The following HMCN1 variants were observed in gnomAD, a reference collection of about 807,000 sequenced individuals.
The protein encoded by HMCN1 is hemicentin-1.
A neutral mutation model predicts 625.9 loss-of-function variants in HMCN1; 321 were observed. That is an observed-to-expected ratio of 0.51 (90% CI 0.47 to 0.56). The LOEUF (loss-of-function observed/expected upper bound fraction) is 0.56. HMCN1 is among the 20% of genes least tolerant of loss of function. HMCN1 has a pLI of 0.00. For synonymous variants in HMCN1, 2,425 were observed against 2,417.6 expected (o/e 1.00, Z -0.09); for missense variants, 6,588 against 6,887.3 (o/e 0.96, Z 1.54).
At chr1:185,787,184 C>T (rs1434758937) in intron 1 of HMCN1, among the ~76,000 whole-genome samples, 2 of 146,030 alleles carry the variant, frequency 1.4e-5, no homozygotes, top group African/African-American at 5.1e-5. Context: ...TGTGTGCATG[C>T]ACGTGTGTTT....
In HMCN1 at chr1:186,065,389, A is replaced by G; in HGVS notation, c.7665A>G (p.Pro2555=). ...GATATACATGTTTGGCTTCCAGTCCAGCTGGCCACAAGAGCAGGAGCTTCA... is the reference window on the plus strand; with the variant it reads ...GATATACATGTTTGGCTTCCAGTCCGGCTGGCCACAAGAGCAGGAGCTTCA... ...TGRYTCLASS[P]AGHKSRSFSL... is the part of the protein sequence containing the mutation. The change falls in exon 49 of 107, where the codon CCA becomes CCG. Residue 2555 remains proline, a synonymous_variant. Coordinates refer to ENST00000271588, the MANE Select transcript of HMCN1 (RefSeq NM_031935.3). 6.2e-7 allele frequency: 1 copy of G among 1,610,266 alleles called. No individual in the cohort carries two copies.
At chr1:186,113,882 T>A in intron 72 of HMCN1, 97 bp from the exon 73 acceptor site, 1 of 1,324,702 alleles carries the variant, frequency 7.5e-7, no homozygotes, top group South Asian at 1.2e-5. Context: ...AGCTATACAT[T>A]TGACTCGAAG....
chr1:186,184,965 G>T (rs192094758), intron 105 of HMCN1, among the ~76,000 whole-genome samples: 2 of 152,070 alleles, frequency 1.3e-5, no homozygotes, highest in East Asian at 1.9e-4. Flanking sequence ...GAGTAAATAA[G>T]TAGAGTGACT....
chr1:186,048,728 T>A lies in HMCN1; in HGVS notation c.6481-15T>A. On this transcript the variant is annotated splice_polypyrimidine_tract_variant and intron_variant, in intron 41 of 106. Transcript: ENST00000271588. ...AAATAGAAAGTGTGATTTCAAAGGA[T>A]GATTTTGTTTTCAGATTGAAGATGC... 2 of 1,497,444 alleles carry A rather than the reference T, an allele frequency of 1.3e-6. No individual in the cohort carries two copies. The highest frequency in any genetic ancestry group is 1.9e-6 in the Non-Finnish European group (2 of 1,074,258). 92.8% of individuals were successfully genotyped at this position (1,497,444 alleles called of 1,614,324 possible). A position where few individuals can be genotyped will look rare whatever the true frequency, so the allele number is the denominator to read the frequency against.
intron 40 of HMCN1, among the ~76,000 whole-genome samples, chr1:186,041,414 A>T (rs1163387585): frequency 6.6e-6 from 1 of 152,144 alleles, no homozygotes; most frequent in Non-Finnish European, 1.5e-5. Flanking sequence ...CAGCTCTGCC[A>T]TTTAGAAGAG....
intron 86 of HMCN1, 139 bp downstream of exon 86, chr1:186,132,548 A>T: frequency 1.4e-6 from 1 of 714,062 alleles, no homozygotes; most frequent in South Asian, 1.5e-5. Context: ...TCTGCTGCTG[A>T]TGGAGCAGTT....
Position 185,984,215 on chromosome 1 carries a change from A to G in HMCN1, c.2837A>G (p.His946Arg), listed in dbSNP as rs771246203. Residue 946 changes from histidine to arginine, a missense_variant, in exon 19 of 107, where the codon CAT becomes CGT. Around this residue, in one of 3 missense-constraint regions of HMCN1, gnomAD observed 4,628 missense variants for 4,853.1 expected, o/e 0.95. Transcript: ENST00000271588. ...ACTGTGCGCAGTGATGGGAGCCTCC[A>G]TATTGAAAGAGTTCAGCTTCAGGAT... ...YITVRSDGSL[H>R]IERVQLQDGG... The G allele has an allele frequency of 1.2e-5, 19 of 1,613,480 alleles. No homozygotes were observed. Among genetic ancestry groups the G allele is most frequent in the Admixed American group, 1.0e-4 (6 of 59,986 alleles).
chr1:185,792,122 A>G (rs1236474042), intron 1 of HMCN1, among the ~76,000 whole-genome samples: 1 of 152,250 alleles, frequency 6.6e-6, no homozygotes, highest in African/African-American at 2.4e-5. Context: ...TCAAAAGAAT[A>G]TAGAGGTCAT....
At chr1:186,037,191 C>A (rs1344118171) in intron 36 of HMCN1, among the ~76,000 whole-genome samples, 1 of 151,522 alleles carries the variant, frequency 6.6e-6, no homozygotes, top group Non-Finnish European at 1.5e-5. Flanking sequence ...TACTAATTTA[C>A]AACATCTTCT....
chr1:186,123,412 A>G (rs1291896417), intron 81 of HMCN1, among the ~76,000 whole-genome samples, 192 bp downstream of exon 81: 1 of 152,104 alleles, frequency 6.6e-6, no homozygotes, highest in Admixed American at 6.6e-5. Context: ...TTGTGCACAT[A>G]GGTGTGTGAG....
rs75898551 is a variant in HMCN1, at chr1:186,053,207, C to A, written c.6700+133C>A. Reference sequence around the variant, plus strand: ...TACTAAATGCTAGACAGCAAAATTGCTTTATATTAAATGTGCAACATGTGA... The same window carrying A: ...TACTAAATGCTAGACAGCAAAATTGATTTATATTAAATGTGCAACATGTGA... On this transcript the variant is annotated intron_variant, in intron 43 of 106. Coordinates refer to ENST00000271588, the MANE Select transcript of HMCN1 (RefSeq NM_031935.3). 512 of 793,366 alleles carry A rather than the reference C, an allele frequency of 6.5e-4. 2 individuals are homozygous for A. The African/African-American group carries it at 7.7e-3, about 12-fold the overall frequency. The allele number at this position is 793,366 out of a possible 1,614,324, so 49.1% of individuals were successfully genotyped here.
intron 1 of HMCN1, among the ~76,000 whole-genome samples, chr1:185,835,325 C>T (rs1156467650): frequency 6.6e-6 from 1 of 151,814 alleles, no homozygotes; most frequent in Non-Finnish European, 1.5e-5. Flanking sequence ...TCTCTTGTTT[C>T]TCTTCTGTAG....
At chr1:186,050,972 C>G (rs951112577) in intron 42 of HMCN1, among the ~76,000 whole-genome samples, 1 of 152,014 alleles carries the variant, frequency 6.6e-6, no homozygotes, top group Admixed American at 6.6e-5. Context: ...ACACGTTTAA[C>G]TGAGCCCTTA....
Position 186,174,625 on chromosome 1 carries a change from T to C in HMCN1, c.15926T>C (p.Val5309Ala). 2.5e-6 allele frequency: 4 copies of C among 1,613,904 alleles called. No individual in the cohort carries two copies. The highest frequency in any genetic ancestry group is 3.4e-6 in the Non-Finnish European group (4 of 1,179,896). Residue 5309 changes from valine to alanine, a missense_variant, in exon 103 of 107, where the codon GTT becomes GCT. Physicochemically the swap from Val to Ala is moderately conservative, Grantham distance 64. This residue lies in a region of HMCN1 where 1,954 missense variants were observed against 2,013.1 expected (regional missense o/e 0.97). Coordinates refer to ENST00000271588, the MANE Select transcript of HMCN1 (RefSeq NM_031935.3). ...VCPRGYRSQG[V>A]GRPCMDINEC... ...CCAAGAGGTTATCGGTCTCAAGGAG[T>C]TGGAAGACCCTGCATGGGTAAGTTA...
intron 1 of HMCN1, among the ~76,000 whole-genome samples, chr1:185,784,348 C>T (rs1557966142): frequency 6.6e-6 from 1 of 152,152 alleles, no homozygotes; most frequent in Non-Finnish European, 1.5e-5. Context: ...TGGTGGGCTG[C>T]ACCCACTGTC....
intron 4 of HMCN1, among the ~76,000 whole-genome samples, chr1:185,908,171 CA>C (rs1350129826): frequency 6.6e-6 from 1 of 151,314 alleles, no homozygotes; most frequent in Admixed American, 6.6e-5. Flanking sequence ...GTGATTGTTT[CA>C]TATTGTTATG....
In HMCN1 at chr1:186,094,355, T is replaced by A; in HGVS notation, c.10276T>A (p.Tyr3426Asn). ...SNRAGVDNKH[Y>N]NLQVFAPPNM... ...CAGAGCTGGGGTGGATAATAAGCAT[T>A]ACAATCTTCAAGTGTTTGGTATGTG... Residue 3426 changes from tyrosine (Y) to asparagine (N), a missense_variant, in exon 67 of 107, where the codon TAC becomes AAC. Around this residue, in one of 3 missense-constraint regions of HMCN1, gnomAD observed 4,628 missense variants for 4,853.1 expected, o/e 0.95. Coordinates refer to ENST00000271588, the MANE Select transcript of HMCN1 (RefSeq NM_031935.3). The A allele has an allele frequency of 6.2e-7, 1 of 1,612,742 alleles. No homozygotes were observed. Among genetic ancestry groups the A allele is most frequent in the Non-Finnish European group, 8.5e-7 (1 of 1,179,066 alleles).
Position 186,056,930 on chromosome 1 carries a change from G to A in HMCN1, c.7145-304G>A, listed in dbSNP as rs562581325. ...AAATTGCAATTAAAAAAAAGGGGGC[G>A]AGTGACTCATACAACATCACTCACC... On this transcript the variant is annotated intron_variant, in intron 45 of 106. Transcript: ENST00000271588. 1.6e-4 allele frequency among the ~76,000 whole-genome samples: 24 copies of A among 151,650 alleles called. No homozygotes were observed. The East Asian group carries it at 4.3e-3, about 27-fold the overall frequency.
At chr1:185,815,378 T>C (rs1301278002) in intron 1 of HMCN1, among the ~76,000 whole-genome samples, 1 of 150,222 alleles carries the variant, frequency 6.7e-6, no homozygotes, top group East Asian at 1.9e-4. Flanking sequence ...GTTACTCTTA[T>C]TTTCTTTTCA....
Sources: allele counts gnomAD v4.1 joint callset (sites outside exome capture counted in the v4.1 genomes callset), GRCh38; gene constraint gnomAD v4.1.1; regional missense constraint gnomAD v4.1.1; transcripts MANE v1.5; gene names NCBI Gene and HGNC (gene_info 2026-07-23, HGNC 2026-07-21).